COL26A1: variants seen among roughly 807,000 people sequenced by gnomAD.
COL26A1 encodes the protein collagen type XXVI alpha 1 chain.
Under a neutral mutation model 59.3 loss-of-function variants are expected in COL26A1, and 41 were observed. That is an observed-to-expected ratio of 0.69 (90% CI 0.54 to 0.90). COL26A1 has a LOEUF of 0.90. Ranked by LOEUF, COL26A1 falls within the 40% of genes least tolerant of loss-of-function variation. The pLI is 0.00. For synonymous variants in COL26A1, 266 were observed against 256.0 expected (o/e 1.04, Z -0.37); for missense variants, 612 against 602.3 (o/e 1.02, Z -0.17).
chr7:101,480,303 T>C (rs1174451209), intron 3 of COL26A1, among the ~76,000 whole-genome samples: 1 of 152,210 alleles, frequency 6.6e-6, no homozygotes, highest in African/African-American at 2.4e-5. Flanking sequence ...TATCTGCCAA[T>C]TTAATTATTA....
At chr7:101,482,288 G>A (rs1439975540) in intron 3 of COL26A1, among the ~76,000 whole-genome samples, 2 of 152,162 alleles carry the variant, frequency 1.3e-5, no homozygotes, top group East Asian at 1.9e-4. Context: ...GATTAAAGGC[G>A]TTAGCCACCA....
chr7:101,450,989 T>C (rs933103574), intron 3 of COL26A1, among the ~76,000 whole-genome samples: 1 of 145,398 alleles, frequency 6.9e-6, no homozygotes, highest in African/African-American at 2.5e-5. Flanking sequence ...AATATTCATA[T>C]ATTGAATAAT....
At chr7:101,462,718 G>T (rs139870593) in intron 3 of COL26A1, among the ~76,000 whole-genome samples, 1 of 152,198 alleles carries the variant, frequency 6.6e-6, no homozygotes, top group Non-Finnish European at 1.5e-5. Flanking sequence ...CATGCTTCCG[G>T]CCCCCGGTGA....
At chr7:101,533,187 A>T in intron 4 of COL26A1, 44 bp downstream of exon 4, 1 of 1,470,140 alleles carries the variant, frequency 6.8e-7, no homozygotes. Context: ...CTGCCTGGGG[A>T]CCTTGGGTGG....
chr7:101,401,590 G>GGAAGAGGAAGAGTAGGAGGAA (rs1792000200), intron 1 of COL26A1, among the ~76,000 whole-genome samples: 3 of 148,762 alleles, frequency 2.0e-5, no homozygotes, highest in Admixed American at 6.7e-5. Flanking sequence ...AAAAGGAGGA[G>GGAAGAGGAAGAGTAGGAGGAA]GAAGAGGAAG....
intron 3 of COL26A1, among the ~76,000 whole-genome samples, chr7:101,459,289 TTTGTTTGTTTGTTTG>T (rs775138205): frequency 2.3e-4 from 34 of 148,924 alleles, no homozygotes; most frequent in Non-Finnish European, 2.6e-4. Context: ...AGTTCTTTTG[TTTGTTTGTTTGTTTG>T]TTGTTTGTTT....
intron 3 of COL26A1, among the ~76,000 whole-genome samples, chr7:101,475,264 TCTGTGTC>T (rs58329596): frequency 0.098 from 14,840 of 152,086 alleles, 1,584 homozygotes; most frequent in African/African-American, 0.26. Flanking sequence ...CAGATTCTTC[TCTGTGTC>T]CCTGTGTCCT....
chr7:101,395,145 T>C (rs985353878), intron 1 of COL26A1, among the ~76,000 whole-genome samples: 5 of 152,060 alleles, frequency 3.3e-5, no homozygotes, highest in African/African-American at 9.7e-5. Flanking sequence ...AGTGCTGGGA[T>C]TGCGGGCATG....
chr7:101,374,679 C>G (rs142286414), intron 1 of COL26A1, among the ~76,000 whole-genome samples: 1 of 152,196 alleles, frequency 6.6e-6, no homozygotes, highest in Admixed American at 6.5e-5. Context: ...TGCAGGAAAA[C>G]AAGCTCAGGG....
chr7:101,470,126 A>G, intron 3 of COL26A1, among the ~76,000 whole-genome samples: 1 of 147,868 alleles, frequency 6.8e-6, no homozygotes. Context: ...TTTTTTCGAG[A>G]CAGAGTCTGG....
intron 3 of COL26A1, among the ~76,000 whole-genome samples, chr7:101,469,775 C>T (rs1204619466): frequency 6.6e-6 from 1 of 151,962 alleles, no homozygotes; most frequent in African/African-American, 2.4e-5. Context: ...CAGGCGTGAA[C>T]CACCGCGCCC....
intron 1 of COL26A1, among the ~76,000 whole-genome samples, chr7:101,370,398 T>C (rs1462670516): frequency 6.6e-6 from 1 of 152,058 alleles, no homozygotes; most frequent in Non-Finnish European, 1.5e-5. Context: ...TGAGACGGAG[T>C]CTGGCTCTGT....
intron 1 of COL26A1, among the ~76,000 whole-genome samples, chr7:101,405,855 C>T (rs952744225): frequency 5.3e-5 from 8 of 152,252 alleles, no homozygotes; most frequent in Non-Finnish European, 1.0e-4. Flanking sequence ...CCAGCCCTTC[C>T]CGCCAGTGCG....
rs527306920 is a variant in COL26A1, at chr7:101,426,231, C to T, written c.281+6132C>T. On this transcript the variant is annotated intron_variant, in intron 2 of 12. Transcript: ENST00000313669. The stretch of plus-strand genomic sequence containing the variant: ...GAGCAGAGCCTGGGTGGGAGGAACT[C>T]GGAAGGTTCCTGGGAGCACTTTGAG... Among the ~76,000 whole-genome samples the T allele has an allele frequency of 2.6e-4, 39 of 152,220 alleles. 1 individual carries two copies. In the South Asian group the frequency reaches 5.8e-3, roughly 23 times the overall value.
intron 8 of COL26A1, among the ~76,000 whole-genome samples, chr7:101,548,790 T>G (rs1464342192): frequency 1.3e-5 from 2 of 152,024 alleles, no homozygotes; most frequent in African/African-American, 4.8e-5. Flanking sequence ...GCTGTTATAG[T>G]AACCCCAGCA....
chr7:101,547,305 G>A, intron 8 of COL26A1, 66 bp downstream of exon 8: 1 of 1,144,340 alleles, frequency 8.7e-7, no homozygotes, highest in Non-Finnish European at 1.3e-6. Context: ...TGAGCCATGG[G>A]GCCTTGAGGG....
chr7:101,507,190 C>T (rs1251011304), intron 3 of COL26A1, among the ~76,000 whole-genome samples: 1 of 152,200 alleles, frequency 6.6e-6, no homozygotes, highest in South Asian at 2.1e-4. Flanking sequence ...ACTGGGATTA[C>T]AGATGTGAGC....
chr7:101,524,997 C>T (rs529354016), intron 3 of COL26A1, among the ~76,000 whole-genome samples: 44 of 152,006 alleles, frequency 2.9e-4, no homozygotes, highest in Non-Finnish European at 5.1e-4. Context: ...CATGCCCAGT[C>T]ATGGTCCAGG....
rs1445542523 is a variant in COL26A1 at position 101,545,445 on chromosome 7, C to T, written c.811C>T (p.Pro271Ser). The T allele has an allele frequency of 6.2e-7, 1 of 1,608,532 alleles. No homozygotes were observed. The highest frequency in any genetic ancestry group is 1.3e-5 in the African/African-American group (1 of 74,744). Reference protein sequence around the residue: ...AGNPGPSPNSPQGALYSLQPP... With the variant: ...AGNPGPSPNSSQGALYSLQPP... ...CAACCCAGGCCCCTCACCAAACAGC[C>T]CCCAGGGCGCCCTCTACTCCCTGCA... is the stretch of plus-strand genomic sequence containing the variant. Residue 271 changes from proline (P) to serine (S), a missense_variant, in exon 7 of 13, where the codon CCC (proline) becomes TCC (serine). Coordinates refer to ENST00000313669, the MANE Select transcript of COL26A1 (RefSeq NM_001278563.3).
Sources: gnomAD v4.1 joint callset for allele counts (sites outside exome capture counted in the v4.1 genomes callset) on GRCh38, gnomAD v4.1.1 for gene constraint, MANE v1.5 for transcripts, NCBI Gene and HGNC (gene_info 2026-07-23, HGNC 2026-07-21) for gene names.